FBXL18: variants seen among roughly 807,000 people sequenced by gnomAD.
FBXL18 encodes the protein F-box/LRR-repeat protein 18.
Under a neutral mutation model 46.0 loss-of-function variants are expected in FBXL18, and 36 were observed. The ratio of observed to expected loss-of-function variants is 0.78; its 90% confidence interval spans 0.60 to 1.03. The LOEUF is 1.03. Ranked by LOEUF, FBXL18 falls within the 50% of genes least tolerant of loss-of-function variation. The pLI, the probability that FBXL18 is intolerant of heterozygous loss-of-function variation, is 0.00. For synonymous variants in FBXL18, 557 were observed against 465.3 expected (o/e 1.20, Z -2.54); for missense variants, 977 against 1,004.1 (o/e 0.97, Z 0.36).
rs749909072 is a variant in FBXL18, at chr7:5,500,953, G to A, written c.1316C>T (p.Pro439Leu). ...APRADRAPAQ[P>L]AMHAVPRGFG... Reference sequence around the variant, plus strand: ...GCCGCGCGGCACTGCGTGCATGGCCGGCTGGGCGGGCGCGCGGTCGGCGCG... The same window carrying A: ...GCCGCGCGGCACTGCGTGCATGGCCAGCTGGGCGGGCGCGCGGTCGGCGCG... The change falls in exon 3 of 5, where the codon CCG (proline) becomes CTG (leucine). Residue 439 changes from proline (P) to leucine (L), a missense_variant. Transcript: ENST00000382368. 1 of 1,537,000 alleles carries A rather than the reference G, an allele frequency of 6.5e-7. No homozygotes were observed. Among genetic ancestry groups the A allele is most frequent in the South Asian group, 1.3e-5 (1 of 79,602 alleles).
rs750195549 is a variant in FBXL18, at chr7:5,500,464, G to A, written c.1781+24C>T. On this transcript the variant is annotated intron_variant, in intron 3 of 4. Transcript: ENST00000382368. ...CTCCGCCAGCTTCCAGCAGAGGCCC[G>A]AGAGGTCCCCGCGGCCCCCTCACCT... 7.0e-6 allele frequency: 11 copies of A among 1,565,048 alleles called. No homozygotes were observed. The East Asian group carries it at 1.8e-4, about 26-fold the overall frequency.
At chr7:5,474,509 T>C (rs1783476896), downstream of FBXL18, among the ~76,000 whole-genome samples, 1 of 151,794 alleles carries the variant, frequency 6.6e-6, no homozygotes, top group African/African-American at 2.4e-5. Flanking sequence ...AGAGACAAGG[T>C]CTGACTACGT....
chr7:5,497,573 C>T (rs568704969), intron 3 of FBXL18, among the ~76,000 whole-genome samples: 2 of 152,256 alleles, frequency 1.3e-5, no homozygotes, highest in East Asian at 3.9e-4. Context: ...GCTGCATGGC[C>T]GGGGGACTCC....
chr7:5,501,512 C>T lies in FBXL18; in HGVS notation c.757G>A (p.Val253Met). 1.2e-6 allele frequency: 2 copies of T among 1,613,940 alleles called. No homozygotes were observed. The highest frequency in any genetic ancestry group is 1.7e-6 in the Non-Finnish European group (2 of 1,180,032). Reference protein sequence around the residue: ...NQEVVRLYLAVLSDRTPQNLH... With the variant: ...NQEVVRLYLAMLSDRTPQNLH... ...TTCTGAGGAGTGCGGTCGCTAAGCA[C>T]AGCCAGGTAGAGCCGCACCACCTCC... Residue 253 changes from valine (V) to methionine (M), a missense_variant, in exon 3 of 5, where the codon GTG (valine) becomes ATG (methionine). Coordinates refer to ENST00000382368, the MANE Select transcript of FBXL18 (RefSeq NM_024963.6).
chr7:5,454,826 G>T (rs1783149907), intron 4 of FBXL18, among the ~76,000 whole-genome samples: 1 of 152,214 alleles, frequency 6.6e-6, no homozygotes, highest in African/African-American at 2.4e-5. Context: ...CAGGGCATAA[G>T]ACGCCTCCCC....
Position 5,481,593 on chromosome 7 carries a change from T to C in FBXL18, c.*182A>G. 7.8e-6 allele frequency: 5 copies of C among 640,540 alleles called. No homozygotes were observed. Among genetic ancestry groups the C allele is most frequent in the East Asian group, 2.9e-5 (1 of 35,038 alleles). The allele number at this position is 640,540 out of a possible 1,614,324, so 39.7% of individuals were successfully genotyped here. ...CAGAACGCATCCCCTCGACCTAAAC[T>C]TCACAGAGCAACAGTCCCCATGAGA... On this transcript the variant is annotated 3_prime_UTR_variant, in exon 5 of 5. Transcript: ENST00000382368.
intron 3 of FBXL18, chr7:5,495,829 C>G (rs878888012): frequency 6.3e-6 from 3 of 479,160 alleles, no homozygotes; most frequent in South Asian, 4.6e-5. Context: ...GGCCAGCTGG[C>G]AGCGTCTGGG....
chr7:5,483,080 C>G (rs1255420064), intron 4 of FBXL18, among the ~76,000 whole-genome samples: 1 of 150,968 alleles, frequency 6.6e-6, no homozygotes, highest in South Asian at 2.1e-4. Flanking sequence ...AATACAAAGA[C>G]GACCCAAGTG....
At position 5,510,868 on chromosome 7, in the gene FBXL18, A is replaced by G. The variant is rs893969206; in HGVS notation, c.18+2789T>C. ...ATTCCTGGGGTCTCCTGAAATTCCA[A>G]TTCTGGTGTGAGTGGCAGGCCCTGG... On this transcript the variant is annotated intron_variant, in intron 1 of 4. Transcript: ENST00000382368. Among the ~76,000 whole-genome samples the G allele has an allele frequency of 7.9e-5, 12 of 151,990 alleles. No homozygotes were observed. In the East Asian group the frequency reaches 1.7e-3, roughly 22 times the overall value.
intron 1 of FBXL18, among the ~76,000 whole-genome samples, chr7:5,507,817 G>A (rs564838858): frequency 3.3e-4 from 50 of 150,822 alleles, no homozygotes; most frequent in Non-Finnish European, 4.9e-4. Flanking sequence ...CTGGGCAACA[G>A]AGCAAGACAC....
chr7:5,480,511 C>T lies in FBXL18; in HGVS notation c.*1264G>A, dbSNP rs1398766238. 1.4e-5 allele frequency: 2 copies of T among 146,106 alleles called. No individual in the cohort carries two copies. The highest frequency in any genetic ancestry group is 3.0e-5 in the Non-Finnish European group (2 of 67,292). The allele number at this position is 146,106 out of a possible 1,614,324, so 9.1% of individuals were successfully genotyped here. The stretch of plus-strand genomic sequence containing the variant: ...CTCAAACTCCTGGGCTCAAGTGATC[C>T]TCCCAAAGTGTGTTGAATATATATA... On this transcript the variant is annotated 3_prime_UTR_variant, in exon 5 of 5. Transcript: ENST00000382368.
At position 5,513,764 on chromosome 7, in the gene FBXL18, A is replaced by G. The variant is rs905574312; in HGVS notation, c.-90T>C. ...AGGGATGCTCGAAGCCGGCGCGTCC[A>G]CCGCTCAACCGAGACCCCGGCAAGG... On this transcript the variant is annotated 5_prime_UTR_variant, in exon 1 of 5. Transcript: ENST00000382368. 1.3e-6 allele frequency: 2 copies of G among 1,514,066 alleles called. No individual in the cohort carries two copies. The highest frequency in any genetic ancestry group is 1.2e-5 in the South Asian group (1 of 81,698). 93.8% of individuals were successfully genotyped at this position (1,514,066 alleles called of 1,614,324 possible). A position where few individuals can be genotyped will look rare whatever the true frequency, so the allele number is the denominator to read the frequency against.
At chr7:5,471,653 G>T (rs532869643), downstream of FBXL18, among the ~76,000 whole-genome samples, 525 of 152,294 alleles carry the variant, frequency 3.4e-3, 3 homozygotes, top group African/African-American at 0.012. Context: ...CTCATGATCT[G>T]CCCTCCTCGG....
chr7:5,461,790 A>G (rs1783249566), intron 4 of FBXL18, among the ~76,000 whole-genome samples: 1 of 152,022 alleles, frequency 6.6e-6, no homozygotes, highest in Non-Finnish European at 1.5e-5. Flanking sequence ...AAAATACAAA[A>G]ATTGGCCAGG....
At chr7:5,485,972 T>C (rs943105741) in intron 4 of FBXL18, among the ~76,000 whole-genome samples, 3 of 151,686 alleles carry the variant, frequency 2.0e-5, no homozygotes, top group African/African-American at 7.3e-5. Context: ...GGCAGGAGAA[T>C]TGCTTGAGCC....
At chr7:5,473,136 C>G (rs923528180), downstream of FBXL18, among the ~76,000 whole-genome samples, 26 of 152,254 alleles carry the variant, frequency 1.7e-4, no homozygotes, top group African/African-American at 5.8e-4. Flanking sequence ...ACGGTGTGTA[C>G]ATGTCAAGCT....
At chr7:5,468,128 G>C (rs972402242) in intron 4 of FBXL18, among the ~76,000 whole-genome samples, 4 of 151,944 alleles carry the variant, frequency 2.6e-5, no homozygotes, top group Admixed American at 6.6e-5. Flanking sequence ...GACTACAGGC[G>C]CCCGCCACCA....
Position 5,501,944 on chromosome 7 carries a change from C to G in FBXL18, c.325G>C (p.Gly109Arg). 5 of 1,605,056 alleles carry G rather than the reference C, an allele frequency of 3.1e-6. No individual in the cohort carries two copies. The highest frequency in any genetic ancestry group is 3.4e-6 in the Non-Finnish European group (4 of 1,177,016). The change falls in exon 3 of 5, where the codon GGC (glycine) becomes CGC (arginine). Residue 109 changes from glycine to arginine, a missense_variant. Gly to Arg is a moderately radical substitution (Grantham distance 125, BLOSUM62 -2). Transcript: ENST00000382368. ...CGGGCCACGTGTTCCACGGTGGAGC[C>G]AGGCAGCCAGTAGCAGCCAGCCATG... Reference protein sequence around the residue: ...LSMAGCYWLPGSTVEHVARCR... With the variant: ...LSMAGCYWLPRSTVEHVARCR...
At chr7:5,474,752 G>C (rs926273235), downstream of FBXL18, among the ~76,000 whole-genome samples, 2 of 150,302 alleles carry the variant, frequency 1.3e-5, no homozygotes, top group African/African-American at 4.9e-5. Flanking sequence ...CTGTCACCCA[G>C]GCTGGAGTGC....
Sources: allele counts gnomAD v4.1 joint callset (sites outside exome capture counted in the v4.1 genomes callset), GRCh38; gene constraint gnomAD v4.1.1; transcripts MANE v1.5; gene names NCBI Gene and HGNC (gene_info 2026-07-23, HGNC 2026-07-21).